Variants in CEMIP observed in about 807,000 individuals in gnomAD.
CEMIP encodes cell migration-inducing and hyaluronan-binding protein.
In CEMIP, 105 loss-of-function variants were observed where a neutral mutation model predicts 156.9. The ratio of observed to expected loss-of-function variants is 0.67; its 90% confidence interval spans 0.57 to 0.79. The LOEUF (loss-of-function observed/expected upper bound fraction) is 0.79. CEMIP is among the 30% of genes least tolerant of loss of function. CEMIP has a pLI of 0.00. For synonymous variants in CEMIP, 676 were observed against 668.4 expected (o/e 1.01, Z -0.17); for missense variants, 1,457 against 1,769.4 (o/e 0.82, Z 3.17).
intron 1 of CEMIP, among the ~76,000 whole-genome samples, chr15:80,839,332 T>TGTGTGTGTGTGTGTGTG (rs1897338045): frequency 4.4e-5 from 2 of 45,894 alleles, no homozygotes; most frequent in African/African-American, 2.9e-4. Flanking sequence ...GTGTGTGTGT[T>TGTGTGTGTGTGTGTGTG]TAATTTGTGG....
intron 1 of CEMIP, among the ~76,000 whole-genome samples, chr15:80,868,025 C>T (rs1898177733): frequency 6.6e-6 from 1 of 152,156 alleles, no homozygotes; most frequent in South Asian, 2.1e-4. Context: ...TTTCCTGTTT[C>T]TGTGGTTTCT....
At chr15:80,831,866 A>G (rs779708988) in intron 1 of CEMIP, among the ~76,000 whole-genome samples, 2 of 152,216 alleles carry the variant, frequency 1.3e-5, no homozygotes, top group Non-Finnish European at 2.9e-5. Context: ...CAAGGGCGTT[A>G]GTGCCAAATT....
chr15:80,787,392 CAGG>C lies in CEMIP; in HGVS notation c.-176+7780_-176+7782del, dbSNP rs1314080414. Among the ~76,000 whole-genome samples, 3 of 152,208 alleles carry C rather than the reference CAGG, an allele frequency of 2.0e-5. No homozygotes were observed. In the East Asian group the frequency reaches 5.8e-4, roughly 29 times the overall value. On this transcript the variant is annotated intron_variant, in intron 1 of 29. Coordinates refer to ENST00000394685, the MANE Select transcript of CEMIP (RefSeq NM_001293298.2). ...GCCCCCTGGCAGATGGGTTTCCCTC[CAGG>C]ATGGGCATTTGCAGTTGCCTGGGGC...
chr15:80,902,801 AG>A (rs1899626340), intron 12 of CEMIP, among the ~76,000 whole-genome samples: 1 of 152,188 alleles, frequency 6.6e-6, no homozygotes, highest in Admixed American at 6.5e-5. Flanking sequence ...GTGTGAAGCC[AG>A]TGGTGGGAGC....
At position 80,895,945 on chromosome 15, in the gene CEMIP, A is replaced by G; in HGVS notation, c.1296A>G (p.Ser432=). Residue 432 remains serine (S), a synonymous_variant, in exon 12 of 30, where the codon TCA becomes TCG. Transcript: ENST00000394685. ...TILNLEDNVQ[S]WKPGDTLVIA... is the part of the protein sequence containing the mutation. ...TGAACTTGGAGGATAATGTACAGTCATGGAAACCTGGAGATACCCTGGTCA... is the reference window on the plus strand; with the variant it reads ...TGAACTTGGAGGATAATGTACAGTCGTGGAAACCTGGAGATACCCTGGTCA... 2 of 1,614,218 alleles carry G rather than the reference A, an allele frequency of 1.2e-6. No individual in the cohort carries two copies. The highest frequency in any genetic ancestry group is 1.7e-6 in the Non-Finnish European group (2 of 1,180,032).
intron 1 of CEMIP, among the ~76,000 whole-genome samples, chr15:80,803,234 A>T (rs770580247): frequency 1.3e-5 from 2 of 152,200 alleles, no homozygotes; most frequent in African/African-American, 2.4e-5. Context: ...GGGCCACAGG[A>T]TGGCTGGATT....
At chr15:80,824,005 T>C (rs778120969) in intron 1 of CEMIP, among the ~76,000 whole-genome samples, 2 of 152,154 alleles carry the variant, frequency 1.3e-5, no homozygotes, top group Non-Finnish European at 2.9e-5. Context: ...AGAAGGGGCC[T>C]GGTCAATGCA....
intron 1 of CEMIP, among the ~76,000 whole-genome samples, chr15:80,782,426 A>G (rs143387091): frequency 1.1e-3 from 161 of 152,282 alleles, no homozygotes; most frequent in African/African-American, 3.7e-3. Flanking sequence ...TCTGACCAAG[A>G]TACTTGCTCT....
Position 80,829,965 on chromosome 15 carries a change from G to T in CEMIP, c.-175-43573G>T, listed in dbSNP as rs913752128. Among the ~76,000 whole-genome samples, 17 of 133,792 alleles carry T rather than the reference G, an allele frequency of 1.3e-4. No homozygotes were observed. The South Asian group carries it at 2.2e-3, about 17-fold the overall frequency. The allele number at this position is 133,792 out of a possible 152,430, so 87.8% of individuals were successfully genotyped here. A position where few individuals can be genotyped will look rare whatever the true frequency, so the allele number is the denominator to read the frequency against. On this transcript the variant is annotated intron_variant, in intron 1 of 29. Coordinates refer to ENST00000394685, the MANE Select transcript of CEMIP (RefSeq NM_001293298.2). ...CTAGTACCATAGAAGGGAGGTAGCG[G>T]GTGTGTGTGTGTGTGTGTGTGTGTG... is the stretch of plus-strand genomic sequence containing the variant.
chr15:80,936,898 C>T lies in CEMIP; in HGVS notation c.3221+13C>T, dbSNP rs371424690. On this transcript the variant is annotated intron_variant, in intron 24 of 29. Transcript: ENST00000394685. Reference sequence around the variant, plus strand: ...TCAACTTCAACAAGTGAGTGGGTGTCCAGCCAGGAGCAGTGAGCTCAAAGC... The same window carrying T: ...TCAACTTCAACAAGTGAGTGGGTGTTCAGCCAGGAGCAGTGAGCTCAAAGC... 3.5e-5 allele frequency: 56 copies of T among 1,612,340 alleles called. No individual in the cohort carries two copies. The highest frequency in any genetic ancestry group is 3.3e-4 in the Middle Eastern group (2 of 6,022).
chr15:80,803,225 G>T (rs1187741928), intron 1 of CEMIP, among the ~76,000 whole-genome samples: 1 of 152,076 alleles, frequency 6.6e-6, no homozygotes, highest in Non-Finnish European at 1.5e-5. Context: ...CCTCCCTTGG[G>T]GCCACAGGAT....
intron 1 of CEMIP, among the ~76,000 whole-genome samples, chr15:80,871,991 G>T (rs2141803408): frequency 6.6e-6 from 1 of 152,314 alleles, no homozygotes; most frequent in South Asian, 2.1e-4. Context: ...GGCCGGCATT[G>T]ATTCTGGGAG....
intron 1 of CEMIP, among the ~76,000 whole-genome samples, chr15:80,786,285 A>G (rs1481520554): frequency 6.6e-6 from 1 of 152,166 alleles, no homozygotes; most frequent in Non-Finnish European, 1.5e-5. Context: ...CACCCGGGCT[A>G]GAGAGCAGTG....
chr15:80,930,389 G>A (rs77518861), intron 21 of CEMIP, among the ~76,000 whole-genome samples: 2,491 of 152,284 alleles, frequency 0.016, 32 homozygotes, highest in Middle Eastern at 0.031. Flanking sequence ...GACTTCCAAA[G>A]GTGATCCTGT....
intron 23 of CEMIP, among the ~76,000 whole-genome samples, chr15:80,935,822 C>T (rs10220814): frequency 0.28 from 42,709 of 151,918 alleles, 7,033 homozygotes; most frequent in African/African-American, 0.45. Flanking sequence ...CACTGCAACC[C>T]CCGCCTCCCA....
chr15:80,790,961 T>C (rs1896066239), intron 1 of CEMIP, among the ~76,000 whole-genome samples: 1 of 152,052 alleles, frequency 6.6e-6, no homozygotes, highest in African/African-American at 2.4e-5. Context: ...CACTACAAAG[T>C]GATGGTAAAC....
At chr15:80,877,822 A>T (rs1898524312) in intron 3 of CEMIP, among the ~76,000 whole-genome samples, 1 of 152,230 alleles carries the variant, frequency 6.6e-6, no homozygotes, top group African/African-American at 2.4e-5. Context: ...CACATGTCAC[A>T]CTGGTCCTCA....
At chr15:80,914,968 A>C (rs1027954205) in intron 14 of CEMIP, among the ~76,000 whole-genome samples, 3 of 152,136 alleles carry the variant, frequency 2.0e-5, no homozygotes, top group African/African-American at 7.2e-5. Context: ...ATGAAATCAT[A>C]GGGAGTCAAA....
chr15:80,829,965 G>GGGGTGT (rs1555428874), intron 1 of CEMIP, among the ~76,000 whole-genome samples: 3 of 133,710 alleles, frequency 2.2e-5, no homozygotes, highest in African/African-American at 5.8e-5. Context: ...GGAGGTAGCG[G>GGGGTGT]GTGTGTGTGT....
Sources: allele counts gnomAD v4.1 joint callset (sites outside exome capture counted in the v4.1 genomes callset), GRCh38; gene constraint gnomAD v4.1.1; transcripts MANE v1.5; gene names NCBI Gene and HGNC (gene_info 2026-07-23, HGNC 2026-07-21).